BTBD9: variants seen among roughly 807,000 people sequenced by gnomAD.
The protein encoded by BTBD9 is BTB/POZ domain-containing protein 9.
In BTBD9, 49 loss-of-function variants were observed where a neutral mutation model predicts 64.3. The ratio of observed to expected loss-of-function variants is 0.76; its 90% confidence interval spans 0.61 to 0.97. The LOEUF is 0.97. BTBD9 is among the 50% of genes least tolerant of loss of function. BTBD9 has a pLI of 0.00. For missense variants in BTBD9, 598 were observed against 762.1 expected (o/e 0.78, Z 2.53); for synonymous variants, 260 against 274.7 (o/e 0.95, Z 0.53).
At chr6:38,185,010 C>T (rs556704737) in intron 10 of BTBD9, among the ~76,000 whole-genome samples, 5 of 152,234 alleles carry the variant, frequency 3.3e-5, no homozygotes, top group African/African-American at 4.8e-5. Flanking sequence ...CTGACACGCT[C>T]GTGGGCTGAT....
intron 5 of BTBD9, among the ~76,000 whole-genome samples, chr6:38,578,165 C>T (rs554969492): frequency 5.3e-5 from 8 of 152,172 alleles, no homozygotes; most frequent in African/African-American, 1.7e-4. Context: ...CCAGGGTGTT[C>T]GGCCACCCCT....
intron 7 of BTBD9, among the ~76,000 whole-genome samples, chr6:38,316,506 G>A (rs1223806183): frequency 6.6e-6 from 1 of 152,026 alleles, no homozygotes; most frequent in Non-Finnish European, 1.5e-5. Context: ...CAAGTAATAT[G>A]ACCCATTATT....
rs567348076 is a variant in BTBD9, at chr6:38,308,011, C to T, written c.1265-19550G>A. Reference sequence around the variant, plus strand: ...CAGGATCAGTGAATTTTCTCTCTCTCCTCACACTGGGGCCTTTGAATGAAA... The same window carrying T: ...CAGGATCAGTGAATTTTCTCTCTCTTCTCACACTGGGGCCTTTGAATGAAA... On this transcript the variant is annotated intron_variant, in intron 7 of 10. Coordinates refer to ENST00000481247, the MANE Select transcript of BTBD9 (RefSeq NM_001099272.2). Among the ~76,000 whole-genome samples, 3 of 152,326 alleles carry T rather than the reference C, an allele frequency of 2.0e-5. No individual in the cohort carries two copies. In the East Asian group the frequency reaches 5.8e-4, roughly 29 times the overall value.
At chr6:38,231,718 C>A (rs773510922) in intron 9 of BTBD9, among the ~76,000 whole-genome samples, 3 of 152,202 alleles carry the variant, frequency 2.0e-5, no homozygotes, top group Non-Finnish European at 4.4e-5. Context: ...GGCCCACTCA[C>A]CTGAACCTGC....
At chr6:38,592,002 T>C (rs1776814663) in intron 4 of BTBD9, among the ~76,000 whole-genome samples, 2 of 151,964 alleles carry the variant, frequency 1.3e-5, no homozygotes, top group African/African-American at 4.8e-5. Context: ...CTGGCCAACA[T>C]GGTGAAACCC....
At chr6:38,331,523 A>C (rs1763676158) in intron 7 of BTBD9, among the ~76,000 whole-genome samples, 1 of 152,202 alleles carries the variant, frequency 6.6e-6, no homozygotes, top group Non-Finnish European at 1.5e-5. Flanking sequence ...AAAAATACTC[A>C]GTTTTAGTAA....
At chr6:38,398,175 C>A (rs960298508) in intron 6 of BTBD9, among the ~76,000 whole-genome samples, 2 of 152,296 alleles carry the variant, frequency 1.3e-5, no homozygotes, top group South Asian at 4.2e-4. Flanking sequence ...AGGAGCCCCA[C>A]CTACTTGGTT....
At chr6:38,345,865 A>G (rs894355954) in intron 6 of BTBD9, among the ~76,000 whole-genome samples, 3 of 152,232 alleles carry the variant, frequency 2.0e-5, no homozygotes, top group African/African-American at 7.2e-5. Flanking sequence ...ACAAACAAGC[A>G]TTAACCTTGG....
intron 9 of BTBD9, among the ~76,000 whole-genome samples, chr6:38,215,864 T>G (rs992229476): frequency 2.0e-5 from 3 of 152,144 alleles, no homozygotes; most frequent in Non-Finnish European, 2.9e-5. Flanking sequence ...CTTTAGAGAT[T>G]AACAATAACA....
chr6:38,318,709 T>C (rs1562017691), intron 7 of BTBD9, among the ~76,000 whole-genome samples: 1 of 152,190 alleles, frequency 6.6e-6, no homozygotes, highest in Non-Finnish European at 1.5e-5. Context: ...CTGTGCTAGG[T>C]CAGACCTGAG....
chr6:38,238,366 G>A (rs995533671), intron 9 of BTBD9, among the ~76,000 whole-genome samples: 3 of 152,124 alleles, frequency 2.0e-5, no homozygotes, highest in Non-Finnish European at 4.4e-5. Context: ...ACTCAAGGAC[G>A]GGTGCTTCCA....
chr6:38,194,745 C>A (rs1231465411), intron 9 of BTBD9, among the ~76,000 whole-genome samples: 2 of 152,142 alleles, frequency 1.3e-5, no homozygotes, highest in Non-Finnish European at 2.9e-5. Context: ...GAACCTGGGT[C>A]TCCCTCCCCT....
chr6:38,447,017 T>G (rs1368719655), intron 6 of BTBD9, among the ~76,000 whole-genome samples: 1 of 152,236 alleles, frequency 6.6e-6, no homozygotes, highest in Non-Finnish European at 1.5e-5. Context: ...CTAATAATTC[T>G]TCAGTGCAAC....
At chr6:38,566,653 A>G (rs17620389) in intron 6 of BTBD9, among the ~76,000 whole-genome samples, 4,500 of 152,314 alleles carry the variant, frequency 0.03, 101 homozygotes, top group Non-Finnish European at 0.045. Context: ...CTGATTCTCA[A>G]GTAGAAAAGA....
chr6:38,217,152 C>T (rs959024078), intron 9 of BTBD9, among the ~76,000 whole-genome samples: 7 of 121,832 alleles, frequency 5.7e-5, no homozygotes, highest in African/African-American at 1.9e-4. Flanking sequence ...ACTAAGGATA[C>T]AAAAAAAAAA....
intron 4 of BTBD9, among the ~76,000 whole-genome samples, chr6:38,585,548 G>A (rs572070439): frequency 4.6e-5 from 7 of 152,198 alleles, no homozygotes; most frequent in African/African-American, 7.2e-5. Flanking sequence ...TGCCTCAAGC[G>A]GTCCTCCTGC....
chr6:38,432,189 A>C (rs1164609676), intron 6 of BTBD9, among the ~76,000 whole-genome samples: 1 of 151,960 alleles, frequency 6.6e-6, no homozygotes, highest in African/African-American at 2.4e-5. Context: ...TGATGTGGTA[A>C]AAAAGCCCTT....
At chr6:38,330,492 G>C (rs867632993) in intron 7 of BTBD9, among the ~76,000 whole-genome samples, 1 of 152,112 alleles carries the variant, frequency 6.6e-6, no homozygotes, top group African/African-American at 2.4e-5. Context: ...TTTGAGGACA[G>C]CCTGGGCAAC....
chr6:38,271,034 G>A (rs1020261604), intron 8 of BTBD9, among the ~76,000 whole-genome samples: 4 of 152,232 alleles, frequency 2.6e-5, no homozygotes, highest in East Asian at 1.9e-4. Flanking sequence ...ATTACAAAGC[G>A]ATATATGATA....
Sources: gnomAD v4.1 joint callset for allele counts (sites outside exome capture counted in the v4.1 genomes callset) on GRCh38, gnomAD v4.1.1 for gene constraint, MANE v1.5 for transcripts, NCBI Gene and HGNC (gene_info 2026-07-23, HGNC 2026-07-21) for gene names.